Variants in DPH6 observed in about 807,000 individuals in gnomAD.
The protein encoded by DPH6 is diphthamine biosynthesis 6.
Under a neutral mutation model 38.2 loss-of-function variants are expected in DPH6, and 33 were observed. The observed-to-expected ratio is 0.86, with a 90% CI of 0.65 to 1.15. The LOEUF (loss-of-function observed/expected upper bound fraction) is 1.15. Among genes scored for constraint, DPH6 ranks in the 50% most tolerant of loss-of-function variants. DPH6 has a pLI of 0.00. For synonymous variants in DPH6, 108 were observed against 103.0 expected, an observed-to-expected ratio of 1.05 and a Z score of -0.30; for missense variants, 325 against 320.0, an observed-to-expected ratio of 1.02 and a Z score of -0.12.
chr15:35,287,087 C>T (rs763949279), intron 3 of DPH6, among the ~76,000 whole-genome samples: 1 of 152,064 alleles, frequency 6.6e-6, no homozygotes, highest in African/African-American at 2.4e-5. Flanking sequence ...AAATAAATAT[C>T]GTACAGCATA....
intron 3 of DPH6, among the ~76,000 whole-genome samples, chr15:35,456,035 G>A (rs12708537): frequency 0.7 from 106,533 of 152,012 alleles, 38,742 homozygotes; most frequent in South Asian, 0.84. Flanking sequence ...CCAAAATGAT[G>A]GAGAAATACC....
chr15:35,329,498 T>C (rs2052310643), downstream of DPH6, among the ~76,000 whole-genome samples: 1 of 152,154 alleles, frequency 6.6e-6, no homozygotes, highest in Non-Finnish European at 1.5e-5. Flanking sequence ...TTGACAAAAT[T>C]TATCTTCCTT....
intron 3 of DPH6, among the ~76,000 whole-genome samples, chr15:35,222,925 G>C (rs2051452352): frequency 6.6e-6 from 1 of 152,140 alleles, no homozygotes; most frequent in Non-Finnish European, 1.5e-5. Flanking sequence ...TCTTATTTAG[G>C]AATCAAATGG....
chr15:35,516,517 T>C (rs953021205), intron 3 of DPH6, among the ~76,000 whole-genome samples: 2 of 152,158 alleles, frequency 1.3e-5, no homozygotes, highest in East Asian at 3.9e-4. Flanking sequence ...GATCATACCA[T>C]GCAGTGGAAC....
intron 3 of DPH6, among the ~76,000 whole-genome samples, chr15:35,345,901 T>C (rs2052458002): frequency 6.6e-6 from 1 of 152,004 alleles, no homozygotes; most frequent in South Asian, 2.1e-4. Flanking sequence ...ATTAATGCCC[T>C]ACAGGGTGAT....
At chr15:35,304,378 A>G (rs927193658) in intron 3 of DPH6, among the ~76,000 whole-genome samples, 1 of 152,140 alleles carries the variant, frequency 6.6e-6, no homozygotes, top group Non-Finnish European at 1.5e-5. Context: ...AGATTTTAGC[A>G]CACCCTCTGA....
intron 4 of DPH6, among the ~76,000 whole-genome samples, chr15:35,452,591 A>C (rs1336940077): frequency 1.3e-5 from 2 of 151,916 alleles, no homozygotes; most frequent in Admixed American, 1.3e-4. Context: ...TATTTTTTTC[A>C]TTTACATATA....
At chr15:35,410,928 A>T in intron 5 of DPH6, 32 bp from the exon 6 acceptor site, 1 of 1,587,176 alleles carries the variant, frequency 6.3e-7, no homozygotes. Context: ...TTTAAAGATA[A>T]CTATCAGATA....
At chr15:35,188,564 A>G in the DPH6 span, among the ~76,000 whole-genome samples, 20 of 152,152 alleles carry the variant, frequency 1.3e-4, no homozygotes, top group Admixed American at 4.6e-4. Context: ...CCTGCTCTAC[A>G]GCTTTTTAAT....
intron 3 of DPH6, among the ~76,000 whole-genome samples, chr15:35,535,198 A>G (rs555382678): frequency 1.3e-5 from 2 of 152,198 alleles, no homozygotes; most frequent in Admixed American, 1.3e-4. Context: ...ACACATCATA[A>G]AAGTTAACAG....
chr15:35,314,607 C>A (rs1367011440), intron 3 of DPH6, among the ~76,000 whole-genome samples: 1 of 152,120 alleles, frequency 6.6e-6, no homozygotes, highest in Non-Finnish European at 1.5e-5. Flanking sequence ...CGGAAGTTGA[C>A]AACAACAGAG....
intron 3 of DPH6, among the ~76,000 whole-genome samples, chr15:35,335,173 A>G (rs2052359692): frequency 6.6e-6 from 1 of 152,030 alleles, no homozygotes; most frequent in Admixed American, 6.6e-5. Flanking sequence ...GCTTTTTTAC[A>G]TATGTTTGTT....
At chr15:35,351,688 A>G (rs981530549) in intron 3 of DPH6, among the ~76,000 whole-genome samples, 9 of 151,532 alleles carry the variant, frequency 5.9e-5, no homozygotes, top group African/African-American at 2.2e-4. Flanking sequence ...ACTCCTCCCC[A>G]ACACACATTT....
chr15:35,395,847 T>C (rs1234020672), intron 6 of DPH6, among the ~76,000 whole-genome samples: 1 of 152,216 alleles, frequency 6.6e-6, no homozygotes, highest in Non-Finnish European at 1.5e-5. Flanking sequence ...GCAGTTAGCA[T>C]AGAACTGGAC....
At chr15:35,463,814 T>C (rs1329787308) in intron 3 of DPH6, among the ~76,000 whole-genome samples, 1 of 152,190 alleles carries the variant, frequency 6.6e-6, no homozygotes, top group Admixed American at 6.5e-5. Flanking sequence ...ATTCATCTCT[T>C]ATCCCATGTG....
intron 3 of DPH6, among the ~76,000 whole-genome samples, chr15:35,261,960 A>T (rs1190947179): frequency 6.6e-6 from 1 of 152,244 alleles, no homozygotes; most frequent in Non-Finnish European, 1.5e-5. Context: ...AGTAACTACT[A>T]CATATATAGC....
chr15:35,359,234 C>T (rs1566879888), intron 3 of DPH6, among the ~76,000 whole-genome samples: 1 of 152,076 alleles, frequency 6.6e-6, no homozygotes, highest in South Asian at 2.1e-4. Context: ...CCCACCATGT[C>T]CCCTCAACAC....
intron 5 of DPH6, among the ~76,000 whole-genome samples, chr15:35,434,832 G>C (rs1566908326): frequency 6.6e-6 from 1 of 152,054 alleles, no homozygotes; most frequent in Non-Finnish European, 1.5e-5. Context: ...GGAGTGCAGT[G>C]GCATGACCTC....
chr15:35,304,658 C>T (rs2052075976), intron 3 of DPH6, among the ~76,000 whole-genome samples: 1 of 152,024 alleles, frequency 6.6e-6, no homozygotes, highest in Non-Finnish European at 1.5e-5. Flanking sequence ...TTATACCCAG[C>T]ATTACTCCTG....
Sources: allele counts gnomAD v4.1 joint callset (sites outside exome capture counted in the v4.1 genomes callset), GRCh38; gene constraint gnomAD v4.1.1; transcripts MANE v1.5; gene names NCBI Gene and HGNC (gene_info 2026-07-23, HGNC 2026-07-21).